The following LRP6 variants were observed in gnomAD, a reference collection of about 807,000 sequenced individuals.
LRP6 encodes low-density lipoprotein receptor-related protein 6.
In LRP6, 43 loss-of-function variants were observed where a neutral mutation model predicts 184.1. The observed-to-expected ratio is 0.23, with a 90% confidence interval of 0.18 to 0.30. LRP6 has a LOEUF of 0.30. LRP6 is among the 10% of genes least tolerant of loss of function. The pLI, the probability that LRP6 is intolerant of heterozygous loss-of-function variation, is 1.00. For synonymous variants in LRP6, 719 were observed against 684.9 expected, an observed-to-expected ratio of 1.05 and a Z score of -0.78; for missense variants, 1,571 against 2,005.3, an observed-to-expected ratio of 0.78 and a Z score of 4.14.
Position 12,124,133 on chromosome 12 carries a change from G to A in LRP6, c.4547+432C>T, listed in dbSNP as rs544093880. ...TCACACCTGTAATCCCAGCACTTTG[G>A]GAGGCCAAGGCAGGCGGATCACCTG... On this transcript the variant is annotated intron_variant, in intron 22 of 22. Transcript: ENST00000261349. 2.4e-4 allele frequency among the ~76,000 whole-genome samples: 37 copies of A among 151,986 alleles called. No individual in the cohort carries two copies. The East Asian group carries it at 5.6e-3, about 23-fold the overall frequency.
chr12:12,241,920 A>G lies in LRP6; in HGVS notation c.449+2342T>C, dbSNP rs191222372. The stretch of plus-strand genomic sequence containing the variant: ...GATAAATTAAAGCCACAGAAACTCT[A>G]AAGTATTTTTTAATCAAATGGCGAA... On this transcript the variant is annotated intron_variant, in intron 2 of 22. Coordinates refer to ENST00000261349, the MANE Select transcript of LRP6 (RefSeq NM_002336.3). 3.9e-5 allele frequency among the ~76,000 whole-genome samples: 6 copies of G among 152,202 alleles called. No homozygotes were observed. In the East Asian group the frequency reaches 7.7e-4, roughly 20 times the overall value.
intron 1 of LRP6, among the ~76,000 whole-genome samples, chr12:12,264,610 G>T (rs1865710395): frequency 6.6e-6 from 1 of 152,144 alleles, no homozygotes; most frequent in Admixed American, 6.5e-5. Flanking sequence ...GGAAAAAAAT[G>T]ACCTAAATGC....
At chr12:12,207,293 G>C (rs1864086546) in intron 2 of LRP6, among the ~76,000 whole-genome samples, 1 of 152,154 alleles carries the variant, frequency 6.6e-6, no homozygotes. Flanking sequence ...CCAAGGCAGG[G>C]AGATCCCAAG....
chr12:12,224,509 C>CA (rs1201233795), intron 2 of LRP6, among the ~76,000 whole-genome samples: 3 of 151,818 alleles, frequency 2.0e-5, no homozygotes, highest in Admixed American at 2.0e-4. Context: ...GATTAGGCTT[C>CA]AAAAGAAAAA....
At chr12:12,130,401 G>C (rs542081828) in intron 19 of LRP6, among the ~76,000 whole-genome samples, 14 of 151,988 alleles carry the variant, frequency 9.2e-5, no homozygotes, top group Non-Finnish European at 1.0e-4. Flanking sequence ...GGCCAGGCTG[G>C]TCTCGAACTC....
At chr12:12,260,950 AT>A (rs1865599598) in intron 1 of LRP6, among the ~76,000 whole-genome samples, 1 of 152,236 alleles carries the variant, frequency 6.6e-6, no homozygotes. Flanking sequence ...TGCGCAAAAT[AT>A]TTAAACAAAA....
At position 12,244,872 on chromosome 12, in the gene LRP6, C is replaced by T. The variant is rs75314930; in HGVS notation, c.56-217G>A. ...GAAATGGGGGGAACTATTTCCACCA[C>T]GATAGTCTTTTCTTGTTAAAATAAC... On this transcript the variant is annotated intron_variant, in intron 1 of 22. Transcript: ENST00000261349. Among the ~76,000 whole-genome samples the T allele has an allele frequency of 6.5e-3, 993 of 152,180 alleles. 11 individuals are homozygous for T. Among genetic ancestry groups the T allele is most frequent in the African/African-American group, 0.023 (960 of 41,526 alleles).
intron 2 of LRP6, among the ~76,000 whole-genome samples, chr12:12,231,508 T>G (rs550546667): frequency 6.6e-6 from 1 of 152,262 alleles, no homozygotes; most frequent in African/African-American, 2.4e-5. Flanking sequence ...GTTTGATTTA[T>G]TCTATCCACA....
chr12:12,251,262 G>T (rs1439759886), intron 1 of LRP6, among the ~76,000 whole-genome samples: 4 of 152,154 alleles, frequency 2.6e-5, no homozygotes, highest in Non-Finnish European at 1.5e-5. Context: ...GGGTTTATTT[G>T]TAAGATGTTT....
intron 2 of LRP6, among the ~76,000 whole-genome samples, chr12:12,241,287 C>A (rs1020819465): frequency 6.6e-6 from 1 of 152,056 alleles, no homozygotes; most frequent in African/African-American, 2.4e-5. Flanking sequence ...GGAACTCAAA[C>A]TTCGTATTTC....
At position 12,184,006 on chromosome 12, in the gene LRP6, A is replaced by G. The variant is rs779066054; in HGVS notation, c.950T>C (p.Leu317Pro). Reference sequence around the variant, plus strand: ...ATCTTTGCAGGTTTTTCCATTCTCCAGGAGTTTGACCCCAGTGGGGCAAGC... The same window carrying G: ...ATCTTTGCAGGTTTTTCCATTCTCCGGGAGTTTGACCCCAGTGGGGCAAGC... ...QCACPTGVKL[L>P]ENGKTCKDGA... Residue 317 changes from leucine (L) to proline (P), a missense_variant, in exon 5 of 23, where the codon CTG becomes CCG. By Grantham distance (98) the Leu-to-Pro change is moderately conservative. Transcript: ENST00000261349. 17 of 1,613,626 alleles carry G rather than the reference A, an allele frequency of 1.1e-5. No individual in the cohort carries two copies. The highest frequency in any genetic ancestry group is 1.4e-5 in the Non-Finnish European group (17 of 1,179,656).
intron 5 of LRP6, among the ~76,000 whole-genome samples, chr12:12,183,601 A>C (rs1390775745): frequency 6.6e-6 from 1 of 152,228 alleles, no homozygotes. Flanking sequence ...TTTGTAGCTA[A>C]AAGTTTAATA....
Position 12,126,890 on chromosome 12 carries a change from G to C in LRP6, c.4113C>G (p.Thr1371=). ...YPTEEPAPQA[T]NTVGSVIGVI... is the part of the protein sequence containing the mutation. The stretch of plus-strand genomic sequence containing the variant: ...CGCCAATAACAGAACCAACTGTATT[G>C]GTGGCCTGTGGTGCTGGTTCTTCAG... Residue 1371 remains threonine, a synonymous_variant, in exon 20 of 23, where the codon ACC becomes ACG. Coordinates refer to ENST00000261349, the MANE Select transcript of LRP6 (RefSeq NM_002336.3). 6.2e-7 allele frequency: 1 copy of C among 1,614,112 alleles called. No individual in the cohort carries two copies. Among genetic ancestry groups the C allele is most frequent in the Non-Finnish European group, 8.5e-7 (1 of 1,179,982 alleles).
At chr12:12,133,893 T>C (rs1949794302) in intron 17 of LRP6, among the ~76,000 whole-genome samples, 1 of 135,786 alleles carries the variant, frequency 7.4e-6, no homozygotes, top group Admixed American at 8.3e-5. Flanking sequence ...TTGACCAATT[T>C]AACCACTTTA....
At chr12:12,139,066 TCTTTTATACAGTGGG>T in intron 15 of LRP6, 6 of 1,204,948 alleles carry the variant, frequency 5.0e-6, no homozygotes, top group Non-Finnish European at 6.4e-6. Flanking sequence ...GTGAGAAAGT[TCTTTTATACAGTGGG>T]CTAAAATCTG....
At position 12,149,090 on chromosome 12, in the gene LRP6, T is replaced by C. The variant is rs1433249681; in HGVS notation, c.3058A>G (p.Ser1020Gly). ...ATGTAGCGGCTGTAAATATCAATGC[T>C]GAGGTCATAGGGTTGTATTTCCAGG... ...QNLEIQPYDLSIDIYSRYIYW... is the reference protein window; with the variant it reads ...QNLEIQPYDLGIDIYSRYIYW... Residue 1020 changes from serine (S) to glycine (G), a missense_variant, in exon 14 of 23, where the codon AGC (serine) becomes GGC (glycine). Coordinates refer to ENST00000261349, the MANE Select transcript of LRP6 (RefSeq NM_002336.3). 1.9e-6 allele frequency: 3 copies of C among 1,614,064 alleles called. No individual in the cohort carries two copies. Among genetic ancestry groups the C allele is most frequent in the Non-Finnish European group, 2.5e-6 (3 of 1,180,002 alleles).
In LRP6 at chr12:12,164,572, T is replaced by A; in HGVS notation, c.1763-10A>T. ...GCACAGGGGTTGGAACCTAAAAGATTAATTATAAAAGGGGCACAGAAGGAC... is the reference window on the plus strand; with the variant it reads ...GCACAGGGGTTGGAACCTAAAAGATAAATTATAAAAGGGGCACAGAAGGAC... On this transcript the variant is annotated splice_polypyrimidine_tract_variant and intron_variant, in intron 8 of 22. Transcript: ENST00000261349. 1 of 1,613,796 alleles carries A rather than the reference T, an allele frequency of 6.2e-7. No homozygotes were observed. The highest frequency in any genetic ancestry group is 8.5e-7 in the Non-Finnish European group (1 of 1,179,814).
intron 7 of LRP6, among the ~76,000 whole-genome samples, chr12:12,172,137 A>C (rs970712014): frequency 3.8e-4 from 58 of 152,258 alleles, no homozygotes; most frequent in African/African-American, 1.3e-3. Flanking sequence ...TGGTTTAATT[A>C]GTTAAACTGA....
Position 12,150,018 on chromosome 12 carries a change from T to C in LRP6, c.2994+818A>G, listed in dbSNP as rs575064949. On this transcript the variant is annotated intron_variant, in intron 13 of 22. Transcript: ENST00000261349. ...CTAAATATATTACCTCCTTGGTCTTTATTTTAAGATGAGACATAGTGAAAA... is the reference window on the plus strand; with the variant it reads ...CTAAATATATTACCTCCTTGGTCTTCATTTTAAGATGAGACATAGTGAAAA... 1.2e-4 allele frequency among the ~76,000 whole-genome samples: 18 copies of C among 152,330 alleles called. No homozygotes were observed. The East Asian group carries it at 2.1e-3, about 18-fold the overall frequency.
Sources: gnomAD v4.1 joint callset for allele counts (sites outside exome capture counted in the v4.1 genomes callset) on GRCh38, gnomAD v4.1.1 for gene constraint, MANE v1.5 for transcripts, NCBI Gene and HGNC (gene_info 2026-07-23, HGNC 2026-07-21) for gene names.